The following SLC9A9 variants were observed in gnomAD, a reference collection of about 807,000 sequenced individuals.
The protein encoded by SLC9A9 is sodium/hydrogen exchanger 9.
In SLC9A9, 62 loss-of-function variants were observed where a neutral mutation model predicts 77.8. The observed-to-expected ratio is 0.80, with a 90% confidence interval of 0.65 to 0.98. SLC9A9 has a LOEUF of 0.98. SLC9A9 is among the 50% of genes least tolerant of loss of function. The pLI is 0.00. For missense variants in SLC9A9, 775 were observed against 774.9 expected, an observed-to-expected ratio of 1.00 and a Z score of 0.00; for synonymous variants, 320 against 283.5, an observed-to-expected ratio of 1.13 and a Z score of -1.29.
chr3:143,633,212 G>A (rs2038456701), intron 6 of SLC9A9, among the ~76,000 whole-genome samples: 2 of 152,050 alleles, frequency 1.3e-5, no homozygotes, highest in Non-Finnish European at 2.9e-5. Flanking sequence ...ACATCTATCA[G>A]GTGAGCAGGG....
At chr3:143,522,713 G>T (rs578163104) in intron 9 of SLC9A9, among the ~76,000 whole-genome samples, 7 of 152,198 alleles carry the variant, frequency 4.6e-5, no homozygotes, top group Non-Finnish European at 7.4e-5. Context: ...CCTACTAAAG[G>T]CTTCCCTTTT....
chr3:143,576,882 G>C (rs1036213564), intron 7 of SLC9A9, among the ~76,000 whole-genome samples: 18 of 152,110 alleles, frequency 1.2e-4, no homozygotes, highest in Admixed American at 1.2e-3. Flanking sequence ...CTTTATTTCT[G>C]TCAATGGAGA....
At chr3:143,811,833 G>T (rs562291598) in intron 2 of SLC9A9, 1 of 373,854 alleles carries the variant, frequency 2.7e-6, no homozygotes, top group Admixed American at 3.8e-5. Flanking sequence ...CCACACTCCA[G>T]GCTGGGTGAC....
At chr3:143,439,725 C>T (rs76207072) in intron 12 of SLC9A9, among the ~76,000 whole-genome samples, 16,931 of 152,034 alleles carry the variant, frequency 0.11, 1,259 homozygotes, top group Non-Finnish European at 0.16. Flanking sequence ...GAGCACCCAA[C>T]GAATGAAAAG....
At chr3:143,566,708 A>G (rs747936380) in intron 8 of SLC9A9, among the ~76,000 whole-genome samples, 1 of 152,110 alleles carries the variant, frequency 6.6e-6, no homozygotes, top group Non-Finnish European at 1.5e-5. Flanking sequence ...TTGCCCTAGG[A>G]ATCTAAAAAT....
intron 6 of SLC9A9, among the ~76,000 whole-genome samples, chr3:143,586,061 A>G (rs1186827815): frequency 6.6e-6 from 1 of 152,214 alleles, no homozygotes; most frequent in Non-Finnish European, 1.5e-5. Flanking sequence ...GGATAACAGT[A>G]TAACAGTTTA....
intron 14 of SLC9A9, among the ~76,000 whole-genome samples, chr3:143,299,975 A>G (rs1350747969): frequency 6.6e-6 from 1 of 152,226 alleles, no homozygotes; most frequent in African/African-American, 2.4e-5. Flanking sequence ...TGGAAAAAGC[A>G]TAATTTAGAG....
At chr3:143,675,100 C>A (rs972380263) in intron 5 of SLC9A9, among the ~76,000 whole-genome samples, 1 of 152,104 alleles carries the variant, frequency 6.6e-6, no homozygotes, top group Non-Finnish European at 1.5e-5. Flanking sequence ...ATTGGAGAAC[C>A]TACTAATATA....
intron 6 of SLC9A9, among the ~76,000 whole-genome samples, chr3:143,636,510 G>T (rs992864281): frequency 7.2e-5 from 11 of 152,180 alleles, no homozygotes; most frequent in African/African-American, 2.7e-4. Flanking sequence ...TACAGGGGCA[G>T]ATTTATTACA....
intron 4 of SLC9A9, among the ~76,000 whole-genome samples, chr3:143,697,365 CT>C (rs1933671619): frequency 6.6e-6 from 1 of 151,854 alleles, no homozygotes; most frequent in African/African-American, 2.4e-5. Context: ...CTCCTTTTTG[CT>C]TTTCTGCATT....
At chr3:143,324,816 GT>G (rs996128904) in intron 14 of SLC9A9, among the ~76,000 whole-genome samples, 1 of 152,146 alleles carries the variant, frequency 6.6e-6, no homozygotes, top group East Asian at 1.9e-4. Flanking sequence ...AGGAAACCCT[GT>G]TTTTTAAAAA....
chr3:143,405,925 A>G (rs2033967260), intron 12 of SLC9A9, among the ~76,000 whole-genome samples: 1 of 152,242 alleles, frequency 6.6e-6, no homozygotes, highest in African/African-American at 2.4e-5. Context: ...CAATTTCTAG[A>G]GACTTTAAAC....
chr3:143,486,715 G>C (rs1211906711), intron 11 of SLC9A9, among the ~76,000 whole-genome samples: 1 of 151,980 alleles, frequency 6.6e-6, no homozygotes, highest in Non-Finnish European at 1.5e-5. Flanking sequence ...ATTTAAATTA[G>C]AATGTTACAG....
At chr3:143,351,232 A>G (rs1255598136) in intron 14 of SLC9A9, among the ~76,000 whole-genome samples, 1 of 152,210 alleles carries the variant, frequency 6.6e-6, no homozygotes, top group African/African-American at 2.4e-5. Context: ...CTAGTCTACT[A>G]TTTATTAAGA....
chr3:143,349,430 C>T (rs560186653), intron 14 of SLC9A9, among the ~76,000 whole-genome samples: 34 of 152,290 alleles, frequency 2.2e-4, no homozygotes, highest in African/African-American at 7.7e-4. Flanking sequence ...GGCCCATCAA[C>T]TCACATCCTT....
At chr3:143,437,944 T>C (rs2034654498) in intron 12 of SLC9A9, among the ~76,000 whole-genome samples, 1 of 152,222 alleles carries the variant, frequency 6.6e-6, no homozygotes, top group African/African-American at 2.4e-5. Context: ...TAGAAAATTA[T>C]AGAGGGGAGT....
At chr3:143,442,615 G>T (rs1336423026) in intron 12 of SLC9A9, among the ~76,000 whole-genome samples, 1 of 152,182 alleles carries the variant, frequency 6.6e-6, no homozygotes, top group Non-Finnish European at 1.5e-5. Context: ...CAGCTACTTG[G>T]GAGGCTGAGG....
At chr3:143,680,959 A>C (rs1933070132) in intron 5 of SLC9A9, among the ~76,000 whole-genome samples, 2 of 152,124 alleles carry the variant, frequency 1.3e-5, no homozygotes, top group Admixed American at 1.3e-4. Context: ...AGACTTAGGT[A>C]TTTATTCCCT....
intron 6 of SLC9A9, among the ~76,000 whole-genome samples, chr3:143,620,375 A>C (rs1346940391): frequency 6.6e-6 from 1 of 152,208 alleles, no homozygotes; most frequent in Non-Finnish European, 1.5e-5. Context: ...TATCAGTACT[A>C]ACACATAGTA....
Sources: gnomAD v4.1 joint callset for allele counts (sites outside exome capture counted in the v4.1 genomes callset) on GRCh38, gnomAD v4.1.1 for gene constraint, MANE v1.5 for transcripts, NCBI Gene and HGNC (gene_info 2026-07-23, HGNC 2026-07-21) for gene names.